Variants in TOP1 observed in about 807,000 individuals in gnomAD.
TOP1 encodes DNA topoisomerase 1.
TOP1 carries 10 observed loss-of-function variants against 111.1 expected under a neutral mutation model. The observed-to-expected ratio is 0.09, with a 90% CI of 0.06 to 0.15. The LOEUF (loss-of-function observed/expected upper bound fraction) is 0.15. TOP1 is among the 10% of genes least tolerant of loss of function. The probability of loss-of-function intolerance (pLI) is 1.00; values close to 1 mark genes in which losing one functional copy is unlikely to be tolerated. For synonymous variants in TOP1, 271 were observed against 302.9 expected, an observed-to-expected ratio of 0.89 and a Z score of 1.10; for missense variants, 474 against 926.7, an observed-to-expected ratio of 0.51 and a Z score of 6.34.
rs2033801468 is a variant in TOP1, at chr20:41,082,616, G to A, written c.507+1376G>A. On this transcript the variant is annotated intron_variant, in intron 7 of 20. Transcript: ENST00000361337. This position sits in a 1 kb window ranked among gnomAD's most constrained non-coding sequence, Gnocchi z 4.1. ...AATCATATGAAGACCATTAGTGAGT[G>A]AGTTGAGCCATAGAGAGATGATCAG... Among the ~76,000 whole-genome samples, 1 of 152,212 alleles carries A rather than the reference G, an allele frequency of 6.6e-6. No homozygotes were observed. Among genetic ancestry groups the A allele is most frequent in the South Asian group, 2.1e-4 (1 of 4,826 alleles).
At position 41,098,568 on chromosome 20, in the gene TOP1, A is replaced by T. The variant is rs1444251843; in HGVS notation, c.975+231A>T. On this transcript the variant is annotated intron_variant, in intron 11 of 20. Transcript: ENST00000361337. The surrounding 1 kb of genome is among the most constrained non-coding windows in gnomAD (Gnocchi z 5.7). ...GTACAGGAATCTTGGTGCTTCAGTG[A>T]CCTAAAAACCAGTCAGTAACTCCAG... 2.3e-6 allele frequency: 1 copy of T among 428,942 alleles called. No homozygotes were observed. Among genetic ancestry groups the T allele is most frequent in the East Asian group, 4.5e-5 (1 of 22,238 alleles). The allele number at this position is 428,942 out of a possible 1,614,324, so 26.6% of individuals were successfully genotyped here. A position where few individuals can be genotyped will look rare whatever the true frequency, so the allele number is the denominator to read the frequency against.
chr20:41,051,050 T>G (rs2122609612), intron 2 of TOP1, among the ~76,000 whole-genome samples: 1 of 152,360 alleles, frequency 6.6e-6, no homozygotes, highest in African/African-American at 2.4e-5. Context: ...TTGTGTTCAC[T>G]CAAGTGGTTC....
intron 2 of TOP1, among the ~76,000 whole-genome samples, chr20:41,056,548 T>C (rs556050589): frequency 6.6e-6 from 1 of 152,332 alleles, no homozygotes; most frequent in Admixed American, 6.5e-5. Context: ...TGTGGTGATG[T>C]AATCATAGCT....
In TOP1 at chr20:41,046,971, A is replaced by G. The variant is rs1305865032; in HGVS notation, c.59-14423A>G. Among the ~76,000 whole-genome samples, 1 of 152,240 alleles carries G rather than the reference A, an allele frequency of 6.6e-6. No homozygotes were observed. The highest frequency in any genetic ancestry group is 2.4e-5 in the African/African-American group (1 of 41,454). ...CACTTTCAAGTCAAGTTGATTGGCC[A>G]TTCATGAGCTGTGTGCAGGGAGAGA... On this transcript the variant is annotated intron_variant, in intron 2 of 20. Coordinates refer to ENST00000361337, the MANE Select transcript of TOP1 (RefSeq NM_003286.4). This position sits in a 1 kb window ranked among gnomAD's most constrained non-coding sequence, Gnocchi z 4.3.
chr20:41,108,535 G>C (rs1216583988), intron 13 of TOP1, among the ~76,000 whole-genome samples: 1 of 152,186 alleles, frequency 6.6e-6, no homozygotes, highest in Non-Finnish European at 1.5e-5. Context: ...GGATTTTTGA[G>C]AACCACAATA....
chr20:41,029,104 CGGCCCGGCCTGACCCTGGCGGCCCCGG>C lies in TOP1; in HGVS notation c.33+5_33+31del. On this transcript the variant is annotated splice_donor_5th_base_variant and intron_variant, in intron 1 of 20. Coordinates refer to ENST00000361337, the MANE Select transcript of TOP1 (RefSeq NM_003286.4). The surrounding 1 kb of genome is among the most constrained non-coding windows in gnomAD (Gnocchi z 6.1). ...CCACCTCCACAACGATTCCCAGGTA[CGGCCCGGCCTGACCCTGGCGGCCCCGG>C]ACCCCGGCCTGGCCGTCCCGCGACC... The C allele has an allele frequency of 6.6e-7, 1 of 1,518,590 alleles. No individual in the cohort carries two copies. The highest frequency in any genetic ancestry group is 1.2e-5 in the South Asian group (1 of 82,008). 94.1% of individuals were successfully genotyped at this position (1,518,590 alleles called of 1,614,324 possible). A position where few individuals can be genotyped will look rare whatever the true frequency, so the allele number is the denominator to read the frequency against.
intron 17 of TOP1, among the ~76,000 whole-genome samples, chr20:41,117,447 G>A (rs553122684): frequency 5.3e-4 from 74 of 139,930 alleles, no homozygotes; most frequent in Middle Eastern, 7.7e-3. Flanking sequence ...GTGCAGTGGC[G>A]CGATCTCGGC....
chr20:41,055,698 G>A (rs762681286), intron 2 of TOP1, among the ~76,000 whole-genome samples: 2 of 152,196 alleles, frequency 1.3e-5, no homozygotes, highest in Non-Finnish European at 2.9e-5. Context: ...ATTACACATA[G>A]TAGTGAGTTC....
Position 41,103,307 on chromosome 20 carries a change from G to A in TOP1, c.1308+1954G>A, listed in dbSNP as rs555529025. 2.6e-5 allele frequency among the ~76,000 whole-genome samples: 4 copies of A among 152,244 alleles called. No homozygotes were observed. In the East Asian group the frequency reaches 5.8e-4, roughly 22 times the overall value. On this transcript the variant is annotated intron_variant, in intron 13 of 20. Coordinates refer to ENST00000361337, the MANE Select transcript of TOP1 (RefSeq NM_003286.4). ...CCCAAAAATTTGCCCAAGATTCAGTGGCTAGTAACTCTAACTTAGATCTTC... is the reference window on the plus strand; with the variant it reads ...CCCAAAAATTTGCCCAAGATTCAGTAGCTAGTAACTCTAACTTAGATCTTC...
rs2034073194 is a variant in TOP1 at position 41,102,146 on chromosome 20, C to T, written c.1308+793C>T. Among the ~76,000 whole-genome samples the T allele has an allele frequency of 6.6e-6, 1 of 152,146 alleles. No homozygotes were observed. The highest frequency in any genetic ancestry group is 6.5e-5 in the Admixed American group (1 of 15,276). ...CCTGGGACTAAAGACCTTCTTGATCCTCGTTCATAGGTTATAACATCTGTT... is the reference window on the plus strand; with the variant it reads ...CCTGGGACTAAAGACCTTCTTGATCTTCGTTCATAGGTTATAACATCTGTT... On this transcript the variant is annotated intron_variant, in intron 13 of 20. Coordinates refer to ENST00000361337, the MANE Select transcript of TOP1 (RefSeq NM_003286.4). The surrounding 1 kb of genome is among the most constrained non-coding windows in gnomAD (Gnocchi z 4.0).
chr20:41,036,829 TTTC>T (rs1352856288), intron 2 of TOP1, among the ~76,000 whole-genome samples: 2 of 38,306 alleles, frequency 5.2e-5, no homozygotes, highest in Admixed American at 3.9e-4. Context: ...AGTTCCTACT[TTTC>T]TTTTTTTTTT....
rs900162197 is a variant in TOP1 at position 41,029,163 on chromosome 20, G to A, written c.33+63G>A. On this transcript the variant is annotated intron_variant, in intron 1 of 20. Transcript: ENST00000361337. This position sits in a 1 kb window ranked among gnomAD's most constrained non-coding sequence, Gnocchi z 6.1. Reference sequence around the variant, plus strand: ...GCCTGGCCGTCCCGCGACCCCCGGCGCAGGCCCCGACCCCAGCCCCGGCCC... The same window carrying A: ...GCCTGGCCGTCCCGCGACCCCCGGCACAGGCCCCGACCCCAGCCCCGGCCC... The A allele has an allele frequency of 8.5e-6, 11 of 1,300,644 alleles. No homozygotes were observed. Among genetic ancestry groups the A allele is most frequent in the Non-Finnish European group, 1.1e-5 (11 of 989,958 alleles). 80.6% of individuals were successfully genotyped at this position (1,300,644 alleles called of 1,614,324 possible).
intron 3 of TOP1, among the ~76,000 whole-genome samples, chr20:41,065,050 C>T (rs1412644721): frequency 4.6e-5 from 7 of 152,072 alleles, no homozygotes; most frequent in East Asian, 1.9e-4. Flanking sequence ...GATTAAGGTG[C>T]GTGCCCCGAC....
At position 41,084,552 on chromosome 20, in the gene TOP1, G is replaced by T; in HGVS notation, c.598G>T (p.Glu200Ter). The T allele has an allele frequency of 6.4e-7, 1 of 1,566,988 alleles. No homozygotes were observed. The highest frequency in any genetic ancestry group is 1.2e-5 in the South Asian group (1 of 84,826). Residue 200 changes from glutamate to a stop codon, truncating the protein, a stop_gained, in exon 8 of 21, where the codon GAA becomes TAA. Coordinates refer to ENST00000361337, the MANE Select transcript of TOP1 (RefSeq NM_003286.4). LOFTEE classifies it high-confidence loss of function. Reference protein sequence around the residue: ...NKKKKPKKEEEQKWKWWEEER... With the variant: ...NKKKKPKKEE ...GAAAAAGAAGCCGAAGAAAGAAGAG[G>T]AACAGAAGTGGAAATGGTAACATCT...
At position 41,123,175 on chromosome 20, in the gene TOP1, TA is replaced by T. The variant is rs1320525952; in HGVS notation, c.2196-19del. ...TGCTGAGTCACCCTAATCCCCCCCTTATTTCTCCTTTGTTTGCAGGTGCAAG... is the reference window on the plus strand; with the variant it reads ...TGCTGAGTCACCCTAATCCCCCCCTTTTTCTCCTTTGTTTGCAGGTGCAAG... On this transcript the variant is annotated intron_variant, in intron 20 of 20. Transcript: ENST00000361337. This position sits in a 1 kb window ranked among gnomAD's most constrained non-coding sequence, Gnocchi z 5.8. 4 of 1,585,726 alleles carry T rather than the reference TA, an allele frequency of 2.5e-6. No homozygotes were observed. The African/African-American group carries it at 5.4e-5, about 21-fold the overall frequency.
Position 41,122,974 on chromosome 20 carries a change from G to C in TOP1, c.2196-221G>C, listed in dbSNP as rs145811145. Among the ~76,000 whole-genome samples, 329 of 152,288 alleles carry C rather than the reference G, an allele frequency of 2.2e-3. 1 individual carries two copies. Among genetic ancestry groups the C allele is most frequent in the African/African-American group, 6.5e-3 (270 of 41,556 alleles). ...GTCTCTGCCTCAGTTTCATCTGTAC[G>C]TTTTTCACTTGTACATCTGCAGAAG... On this transcript the variant is annotated intron_variant, in intron 20 of 20. Coordinates refer to ENST00000361337, the MANE Select transcript of TOP1 (RefSeq NM_003286.4). This position sits in a 1 kb window ranked among gnomAD's most constrained non-coding sequence, Gnocchi z 5.4.
rs1367109268 is a variant in TOP1 at position 41,032,663 on chromosome 20, G to GTGA, written c.58+3210_58+3212dup. On this transcript the variant is annotated intron_variant, in intron 2 of 20. Coordinates refer to ENST00000361337, the MANE Select transcript of TOP1 (RefSeq NM_003286.4). The surrounding 1 kb of genome is among the most constrained non-coding windows in gnomAD (Gnocchi z 4.3). ...GCTCCATCAGTCTTTAGTCTAAGAA[G>GTGA]TGATATATAGGATCATGGTTTGACA... Among the ~76,000 whole-genome samples the GTGA allele has an allele frequency of 1.3e-5, 2 of 152,220 alleles. No homozygotes were observed. The highest frequency in any genetic ancestry group is 6.5e-5 in the Admixed American group (1 of 15,280).
chr20:41,099,974 T>C, intron 11 of TOP1, 82 bp from the exon 12 acceptor site: 1 of 933,066 alleles, frequency 1.1e-6, no homozygotes, highest in East Asian at 2.6e-5. Context: ...CTACCTTGAC[T>C]TAGTCTCCCA....
Position 41,110,120 on chromosome 20 carries a change from C to T in TOP1, c.1309-2662C>T, listed in dbSNP as rs947728778. On this transcript the variant is annotated intron_variant, in intron 13 of 20. Coordinates refer to ENST00000361337, the MANE Select transcript of TOP1 (RefSeq NM_003286.4). The surrounding 1 kb of genome is among the most constrained non-coding windows in gnomAD (Gnocchi z 4.2). Reference sequence around the variant, plus strand: ...TGGCCAACATGGCGAAACACCGTCTCTACAAAAAAATACAAAAATTAGCCG... The same window carrying T: ...TGGCCAACATGGCGAAACACCGTCTTTACAAAAAAATACAAAAATTAGCCG... 6.6e-6 allele frequency among the ~76,000 whole-genome samples: 1 copy of T among 152,076 alleles called. No homozygotes were observed. The highest frequency in any genetic ancestry group is 1.5e-5 in the Non-Finnish European group (1 of 68,004).
Sources: allele counts gnomAD v4.1 joint callset (sites outside exome capture counted in the v4.1 genomes callset), GRCh38; gene constraint gnomAD v4.1.1; non-coding constraint Gnocchi (gnomAD v3.1); transcripts MANE v1.5; gene names NCBI Gene and HGNC (gene_info 2026-07-23, HGNC 2026-07-21).